HMBOX1: variants seen among roughly 807,000 people sequenced by gnomAD.
HMBOX1 encodes homeobox containing 1.
In HMBOX1, 14 loss-of-function variants were observed where a neutral mutation model predicts 54.5. That is an observed-to-expected ratio of 0.26 (90% CI 0.17 to 0.40). The LOEUF is 0.40. Among genes scored for constraint, HMBOX1 ranks in the 10% least tolerant of loss-of-function variants. HMBOX1 has a pLI of 1.00. For missense variants in HMBOX1, 332 were observed against 514.4 expected, an observed-to-expected ratio of 0.65 and a Z score of 3.43; for synonymous variants, 160 against 181.0, an observed-to-expected ratio of 0.88 and a Z score of 0.93.
chr8:28,996,364 T>C (rs1831842685), intron 4 of HMBOX1, among the ~76,000 whole-genome samples: 1 of 152,188 alleles, frequency 6.6e-6, no homozygotes, highest in Admixed American at 6.5e-5. Context: ...ATCAGATATG[T>C]CCCTTAGCAG....
rs1563368855 is a variant in HMBOX1 at position 28,910,654 on chromosome 8, G to T, written c.-58+19976G>T. ...TGAGCATGTTTTCATGTGCTTATTGGCAATTCATATATCTTTTTTGATGAA... is the reference window on the plus strand; with the variant it reads ...TGAGCATGTTTTCATGTGCTTATTGTCAATTCATATATCTTTTTTGATGAA... On this transcript the variant is annotated intron_variant, in intron 1 of 9. Transcript: ENST00000287701. Among the ~76,000 whole-genome samples, 3 of 152,088 alleles carry T rather than the reference G, an allele frequency of 2.0e-5. No individual in the cohort carries two copies. The South Asian group carries it at 6.2e-4, about 32-fold the overall frequency.
chr8:29,011,813 A>G (rs1834262662), intron 5 of HMBOX1, among the ~76,000 whole-genome samples: 1 of 152,194 alleles, frequency 6.6e-6, no homozygotes, highest in South Asian at 2.1e-4. Flanking sequence ...AGGAAGGTAG[A>G]ACTAGGGAAT....
chr8:29,000,033 T>G (rs1832406269), intron 4 of HMBOX1, among the ~76,000 whole-genome samples: 1 of 152,200 alleles, frequency 6.6e-6, no homozygotes, highest in African/African-American at 2.4e-5. Context: ...TCCCTTGGAT[T>G]TATTATTGCT....
At chr8:28,917,048 C>CAGAGCA (rs1467629530) in intron 1 of HMBOX1, among the ~76,000 whole-genome samples, 3 of 127,218 alleles carry the variant, frequency 2.4e-5, no homozygotes, top group Non-Finnish European at 3.2e-5. Flanking sequence ...GCCTGGGTGA[C>CAGAGCA]AGAGCAAGAC....
rs140698693 is a variant in HMBOX1, at chr8:28,950,728, C to T, written c.-57-13083C>T. On this transcript the variant is annotated intron_variant, in intron 1 of 9. Transcript: ENST00000287701. ...AGAGGTAGAGATGGTAGCTCAGCTC[C>T]GACCTAGGGATAAGTCTTCTCTGAC... Among the ~76,000 whole-genome samples, 183 of 152,262 alleles carry T rather than the reference C, an allele frequency of 1.2e-3. 2 individuals carry two copies. Among genetic ancestry groups the T allele is most frequent in the African/African-American group, 3.8e-3 (158 of 41,548 alleles).
chr8:28,978,449 T>C (rs1218204879), intron 3 of HMBOX1, among the ~76,000 whole-genome samples: 1 of 152,130 alleles, frequency 6.6e-6, no homozygotes, highest in African/African-American at 2.4e-5. Flanking sequence ...ATAGTAAAAA[T>C]TTTAGACTTT....
chr8:29,010,212 A>G (rs1834045939), intron 5 of HMBOX1: 1 of 860,370 alleles, frequency 1.2e-6, no homozygotes, highest in African/African-American at 1.8e-5. Flanking sequence ...ATGTACAGAA[A>G]ATTCAAAAGA....
At chr8:28,912,422 TTC>T (rs1324307843) in intron 1 of HMBOX1, among the ~76,000 whole-genome samples, 3 of 152,206 alleles carry the variant, frequency 2.0e-5, no homozygotes, top group Non-Finnish European at 4.4e-5. Context: ...TCTGCCATGT[TTC>T]TGTTTTCTCA....
chr8:28,904,802 A>G (rs1377043027), intron 1 of HMBOX1, among the ~76,000 whole-genome samples: 1 of 151,836 alleles, frequency 6.6e-6, no homozygotes, highest in African/African-American at 2.4e-5. Context: ...CAGCCTTCCA[A>G]GTAGCTGGGA....
chr8:29,018,095 A>G (rs1369157760), intron 5 of HMBOX1, among the ~76,000 whole-genome samples: 2 of 152,210 alleles, frequency 1.3e-5, no homozygotes, highest in Non-Finnish European at 1.5e-5. Context: ...ACTGAACTCT[A>G]TGAAAGCATA....
chr8:28,909,064 C>T (rs28513665), intron 1 of HMBOX1, among the ~76,000 whole-genome samples: 4,622 of 148,732 alleles, frequency 0.031, 221 homozygotes, highest in African/African-American at 0.11. Flanking sequence ...CACTACACTC[C>T]AAGATGGGTG....
chr8:29,030,163 A>G (rs1408378566), intron 6 of HMBOX1, among the ~76,000 whole-genome samples: 5 of 150,302 alleles, frequency 3.3e-5, no homozygotes, highest in Admixed American at 1.3e-4. Context: ...TTTTCTGAAT[A>G]AAGTATTAGG....
chr8:28,994,244 CATAAGG>C (rs1312462621), intron 4 of HMBOX1, among the ~76,000 whole-genome samples: 1 of 150,932 alleles, frequency 6.6e-6, no homozygotes, highest in African/African-American at 2.4e-5. Context: ...AAATACACTA[CATAAGG>C]TTAGAGTAAG....
At chr8:28,897,348 G>A (rs1396627135) in intron 1 of HMBOX1, among the ~76,000 whole-genome samples, 1 of 151,720 alleles carries the variant, frequency 6.6e-6, no homozygotes, top group Admixed American at 6.6e-5. Flanking sequence ...AAAAGTTAAC[G>A]ATAACATTGA....
In HMBOX1 at chr8:28,935,051, T is replaced by A. The variant is rs1184868538; in HGVS notation, c.-57-28760T>A. On this transcript the variant is annotated intron_variant, in intron 1 of 9. Coordinates refer to ENST00000287701, the MANE Select transcript of HMBOX1 (RefSeq NM_001135726.3). ...TAGTGGCATCAAAAAATGAAATACT[T>A]AAGAATAAATAGTAAATGTATACAA... Among the ~76,000 whole-genome samples the A allele has an allele frequency of 2.0e-5, 3 of 152,032 alleles. No individual in the cohort carries two copies. The East Asian group carries it at 5.8e-4, about 29-fold the overall frequency.
intron 1 of HMBOX1, among the ~76,000 whole-genome samples, chr8:28,901,692 A>G (rs1383701478): frequency 6.6e-6 from 1 of 152,136 alleles, no homozygotes; most frequent in Non-Finnish European, 1.5e-5. Context: ...CCTTAGTTCA[A>G]ATTGTGCCAT....
chr8:29,030,768 G>A (rs569315935), intron 6 of HMBOX1, among the ~76,000 whole-genome samples: 66 of 152,250 alleles, frequency 4.3e-4, no homozygotes, highest in African/African-American at 1.5e-3. Flanking sequence ...ACAAAATCAC[G>A]TCCATAACTA....
intron 3 of HMBOX1, among the ~76,000 whole-genome samples, chr8:28,971,921 A>T (rs1329935141): frequency 2.0e-5 from 3 of 152,220 alleles, no homozygotes; most frequent in Non-Finnish European, 4.4e-5. Context: ...CAGAAATAAA[A>T]ATAGTACCTA....
chr8:28,978,224 A>C (rs1399588989), intron 3 of HMBOX1, among the ~76,000 whole-genome samples: 1 of 152,192 alleles, frequency 6.6e-6, no homozygotes, highest in Non-Finnish European at 1.5e-5. Context: ...TCAACAGAGC[A>C]TGTAACAACT....
Sources: allele counts gnomAD v4.1 joint callset (sites outside exome capture counted in the v4.1 genomes callset), GRCh38; gene constraint gnomAD v4.1.1; transcripts MANE v1.5; gene names NCBI Gene and HGNC (gene_info 2026-07-23, HGNC 2026-07-21).